The following CSMD1 variants were observed in gnomAD, a reference collection of about 807,000 sequenced individuals.
CSMD1 encodes the protein CUB and sushi domain-containing protein 1.
In CSMD1, 213 loss-of-function variants were observed where a neutral mutation model predicts 417.5. That is an observed-to-expected ratio of 0.51 (90% CI 0.46 to 0.57). CSMD1 has a LOEUF of 0.57. Among genes scored for constraint, CSMD1 ranks in the 20% least tolerant of loss-of-function variants. The pLI is 0.00. For missense variants in CSMD1, 6,923 were observed against 4,529.7 expected (o/e 1.53, Z -15.17); for synonymous variants, 2,862 against 1,736.8 (o/e 1.65, Z -16.11).
chr8:3,773,846 T>C (rs1179242224), intron 5 of CSMD1, among the ~76,000 whole-genome samples: 6 of 151,916 alleles, frequency 3.9e-5, no homozygotes, highest in Non-Finnish European at 8.8e-5. Context: ...TTCCCCCACA[T>C]TGTATTTATT....
intron 30 of CSMD1, among the ~76,000 whole-genome samples, chr8:3,213,495 T>C (rs1302258684): frequency 2.0e-5 from 3 of 152,174 alleles, no homozygotes; most frequent in Non-Finnish European, 4.4e-5. Flanking sequence ...AGCTGCTGTC[T>C]GACTTCATCA....
At chr8:4,520,435 T>C (rs976547820) in intron 2 of CSMD1, among the ~76,000 whole-genome samples, 7 of 152,150 alleles carry the variant, frequency 4.6e-5, no homozygotes, top group African/African-American at 7.2e-5. Flanking sequence ...TAGATCTCCA[T>C]TTGTAGTGGA....
chr8:3,764,531 T>C (rs1178406469), intron 5 of CSMD1, among the ~76,000 whole-genome samples: 1 of 152,004 alleles, frequency 6.6e-6, no homozygotes, highest in African/African-American at 2.4e-5. Context: ...ACCTGAGACA[T>C]CACCAGGTGG....
At chr8:3,120,173 A>G (rs1817115214) in intron 41 of CSMD1, among the ~76,000 whole-genome samples, 3 of 152,172 alleles carry the variant, frequency 2.0e-5, no homozygotes, top group Admixed American at 1.3e-4. Flanking sequence ...GAGGTGGGCC[A>G]GAAAGAAGAT....
At chr8:4,113,688 G>A (rs1801980441) in intron 3 of CSMD1, among the ~76,000 whole-genome samples, 1 of 152,186 alleles carries the variant, frequency 6.6e-6, no homozygotes, top group South Asian at 2.1e-4. Flanking sequence ...ACAGGCATGA[G>A]CCACCGCGCC....
At chr8:3,447,615 T>C (rs987209952) in intron 12 of CSMD1, among the ~76,000 whole-genome samples, 2 of 152,144 alleles carry the variant, frequency 1.3e-5, no homozygotes, top group African/African-American at 4.8e-5. Flanking sequence ...GCACATGTGA[T>C]CATTTGGCTT....
At chr8:3,916,011 G>T (rs1189463837) in intron 5 of CSMD1, among the ~76,000 whole-genome samples, 4 of 151,122 alleles carry the variant, frequency 2.6e-5, no homozygotes, top group African/African-American at 9.7e-5. Context: ...GCAATTAGTT[G>T]GAAAATGTCA....
intron 3 of CSMD1, among the ~76,000 whole-genome samples, chr8:4,082,405 A>G (rs999927114): frequency 6.6e-5 from 10 of 152,170 alleles, no homozygotes; most frequent in Admixed American, 6.5e-4. Flanking sequence ...CAACTACAAC[A>G]AAACCCAGTA....
intron 25 of CSMD1, among the ~76,000 whole-genome samples, chr8:3,304,545 C>T (rs1442400206): frequency 6.6e-6 from 1 of 152,060 alleles, no homozygotes; most frequent in Non-Finnish European, 1.5e-5. Flanking sequence ...TAAGGATAAA[C>T]ATGGATGGCT....
At chr8:3,391,733 G>C (rs544403371) in intron 17 of CSMD1, among the ~76,000 whole-genome samples, 1 of 152,136 alleles carries the variant, frequency 6.6e-6, no homozygotes, top group South Asian at 2.1e-4. Context: ...TTGTAGCACC[G>C]CTGCAAATAT....
intron 12 of CSMD1, among the ~76,000 whole-genome samples, chr8:3,439,376 G>C (rs191293594): frequency 2.2e-5 from 3 of 134,902 alleles, no homozygotes; most frequent in African/African-American, 8.4e-5. Flanking sequence ...GCTCATTTTT[G>C]TCTTAAATTT....
intron 6 of CSMD1, among the ~76,000 whole-genome samples, chr8:3,741,052 T>TA (rs1436660578): frequency 6.6e-6 from 1 of 151,814 alleles, no homozygotes; most frequent in African/African-American, 2.4e-5. Context: ...CCGTCTCTAC[T>TA]AAAAATACAA....
At chr8:3,800,866 C>T (rs946347340) in intron 5 of CSMD1, among the ~76,000 whole-genome samples, 20 of 152,142 alleles carry the variant, frequency 1.3e-4, no homozygotes, top group Admixed American at 9.8e-4. Context: ...TCACCAGAGA[C>T]TGGTGCCATG....
chr8:3,255,333 G>T (rs548306383), intron 26 of CSMD1, among the ~76,000 whole-genome samples: 4 of 152,188 alleles, frequency 2.6e-5, no homozygotes, highest in Non-Finnish European at 5.9e-5. Flanking sequence ...CACTTGAGGA[G>T]GCAGTCTGTC....
Position 4,654,108 on chromosome 8 carries a change from G to A in CSMD1, c.86-16550C>T, listed in dbSNP as rs184081121. ...TTTTTCTTTCCCGGTGCAAACCAGG[G>A]CCGATGTTACACTCCATGTATTTGC... is the stretch of plus-strand genomic sequence containing the variant. On this transcript the variant is annotated intron_variant, in intron 1 of 69. Coordinates refer to ENST00000635120, the MANE Select transcript of CSMD1 (RefSeq NM_033225.6). Among the ~76,000 whole-genome samples the A allele has an allele frequency of 2.9e-3, 442 of 152,156 alleles. 5 individuals carry two copies. The highest frequency in any genetic ancestry group is 9.6e-3 in the African/African-American group (398 of 41,460).
chr8:3,391,311 C>T (rs995786231), intron 17 of CSMD1, among the ~76,000 whole-genome samples: 7 of 152,090 alleles, frequency 4.6e-5, no homozygotes, highest in Non-Finnish European at 8.8e-5. Flanking sequence ...CTTTCTTCTG[C>T]CTTCAGAGAT....
At chr8:4,415,988 A>T (rs1261051478) in intron 3 of CSMD1, among the ~76,000 whole-genome samples, 1 of 152,188 alleles carries the variant, frequency 6.6e-6, no homozygotes, top group South Asian at 2.1e-4. Context: ...GCAGTTAACT[A>T]CTTCACTTTC....
At chr8:3,216,222 A>C (rs555873030) in intron 29 of CSMD1, among the ~76,000 whole-genome samples, 13 of 152,112 alleles carry the variant, frequency 8.5e-5, no homozygotes, top group African/African-American at 3.1e-4. Flanking sequence ...AATTCTTTGT[A>C]ACTGCATTAA....
chr8:3,789,816 C>T (rs913302372), intron 5 of CSMD1, among the ~76,000 whole-genome samples: 9 of 150,442 alleles, frequency 6.0e-5, no homozygotes, highest in African/African-American at 1.7e-4. Flanking sequence ...CTGCAAGCTC[C>T]GCCTCCCGGG....
Sources: gnomAD v4.1 joint callset for allele counts (sites outside exome capture counted in the v4.1 genomes callset) on GRCh38, gnomAD v4.1.1 for gene constraint, MANE v1.5 for transcripts, NCBI Gene and HGNC (gene_info 2026-07-23, HGNC 2026-07-21) for gene names.